The following BRF1 variants were observed in gnomAD, a reference collection of about 807,000 sequenced individuals.
BRF1 encodes the protein transcription factor IIIB 90 kDa subunit.
BRF1 carries 59 observed loss-of-function variants against 81.7 expected under a neutral mutation model. That is an observed-to-expected ratio of 0.72 (90% CI 0.59 to 0.90). BRF1 has a LOEUF of 0.90. Ranked by LOEUF, BRF1 falls within the 40% of genes least tolerant of loss-of-function variation. BRF1 has a pLI of 0.00. For missense variants in BRF1, 1,050 were observed against 936.3 expected (o/e 1.12, Z -1.58); for synonymous variants, 491 against 395.6 (o/e 1.24, Z -2.86).
chr14:105,226,069 C>G lies in BRF1; in HGVS notation c.1048G>C (p.Gly350Arg). Residue 350 changes from glycine (G) to arginine (R), a missense_variant and splice_region_variant, in exon 10 of 18, where the codon GGC becomes CGC. Around this residue, in one of 2 missense-constraint regions of BRF1, gnomAD observed 1,043 missense variants for 915.4 expected, o/e 1.14. Coordinates refer to ENST00000547530, the MANE Select transcript of BRF1 (RefSeq NM_001519.4). ...KGGLASLAKD[G>R]STEDTASSLC... ...TAGGGGCCGGGCACAGTGGACTCAC[C>G]ATCTTTTGCCAGGCTGGCCAGGCCC... 6.2e-7 allele frequency: 1 copy of G among 1,613,458 alleles called. No individual in the cohort carries two copies.
At chr14:105,248,603 C>CGGCCGGGCCT (rs1048482817) in intron 5 of BRF1, 4 of 966,710 alleles carry the variant, frequency 4.1e-6, no homozygotes, top group African/African-American at 1.8e-5. Context: ...GCGCCCCCCG[C>CGGCCGGGCCT]GGCCGGGCCT....
In BRF1 at chr14:105,241,330, AG is replaced by A; in HGVS notation, c.628del (p.Leu210SerfsTer5). The A allele has an allele frequency of 6.2e-7, 1 of 1,612,754 alleles. No homozygotes were observed. The highest frequency in any genetic ancestry group is 8.5e-7 in the Non-Finnish European group (1 of 1,179,930). On this transcript the variant is annotated frameshift_variant, in exon 6 of 18. Coordinates refer to ENST00000547530, the MANE Select transcript of BRF1 (RefSeq NM_001519.4). LOFTEE classifies it high-confidence loss of function. ...NHEVSMTALRLLQRMKRDWMH... is the reference protein window; with the variant it reads ...NHEVSMTALRXLQRMKRDWMH... Reference sequence around the variant, plus strand: ...CCAGTCCCGCTTCATCCTCTGTAGGAGCCTCAGGGCAGTCATGGACACCTCG... The same window carrying A: ...CCAGTCCCGCTTCATCCTCTGTAGGACCTCAGGGCAGTCATGGACACCTCG...
At chr14:105,290,954 A>G (rs1277097827) in intron 1 of BRF1, among the ~76,000 whole-genome samples, 2 of 152,166 alleles carry the variant, frequency 1.3e-5, no homozygotes, top group East Asian at 3.9e-4. Flanking sequence ...GAAACCTCAG[A>G]ACACTAACCC....
At chr14:105,281,453 T>C (rs2057098539) in intron 2 of BRF1, among the ~76,000 whole-genome samples, 1 of 146,592 alleles carries the variant, frequency 6.8e-6, no homozygotes, top group Non-Finnish European at 1.5e-5. Flanking sequence ...AGCCCGGGTG[T>C]GTGGATACAG....
In BRF1 at chr14:105,300,636, G is replaced by T; in HGVS notation, c.-7C>A. On this transcript the variant is annotated 5_prime_UTR_variant, in exon 1 of 18. Coordinates refer to ENST00000547530, the MANE Select transcript of BRF1 (RefSeq NM_001519.4). ...GGCACACGCGGCCCGTCATGCCGGC[G>T]ACCGCGCGGGCAGCGCCCGGAGCCT... 2.9e-6 allele frequency: 4 copies of T among 1,358,702 alleles called. No homozygotes were observed. Among genetic ancestry groups the T allele is most frequent in the Non-Finnish European group, 3.8e-6 (4 of 1,066,424 alleles). The allele number at this position is 1,358,702 out of a possible 1,614,324, so 84.2% of individuals were successfully genotyped here.
chr14:105,216,320 A>G (rs1595254824), intron 15 of BRF1, among the ~76,000 whole-genome samples: 1 of 152,194 alleles, frequency 6.6e-6, no homozygotes, highest in South Asian at 2.1e-4. Context: ...AGGCAGGCAG[A>G]GGACACGGAG....
upstream of BRF1, among the ~76,000 whole-genome samples, chr14:105,301,585 C>T (rs1280137916): frequency 6.6e-6 from 1 of 152,204 alleles, no homozygotes; most frequent in Non-Finnish European, 1.5e-5. Context: ...CCCTGCCCCG[C>T]CCTCCGCATT....
rs1185250674 is a variant in BRF1, at chr14:105,271,429, C to T, written c.439+1292G>A. Among the ~76,000 whole-genome samples, 3 of 152,210 alleles carry T rather than the reference C, an allele frequency of 2.0e-5. No homozygotes were observed. The highest frequency in any genetic ancestry group is 2.9e-5 in the Non-Finnish European group (2 of 68,040). ...GCTGGAGGCAAGGCGACGGCAGGGGCGCAGGCTGGGAGGCAGACATGTGGC... is the reference window on the plus strand; with the variant it reads ...GCTGGAGGCAAGGCGACGGCAGGGGTGCAGGCTGGGAGGCAGACATGTGGC... On this transcript the variant is annotated intron_variant, in intron 3 of 17. Transcript: ENST00000547530. This position sits in a 1 kb window ranked among gnomAD's most constrained non-coding sequence, Gnocchi z 5.5.
chr14:105,290,615 C>T (rs2057474096), intron 1 of BRF1, among the ~76,000 whole-genome samples: 1 of 152,132 alleles, frequency 6.6e-6, no homozygotes, highest in Admixed American at 6.6e-5. Flanking sequence ...TACGCAATCT[C>T]TTCACTCCTT....
At chr14:105,300,420 G>A in intron 1 of BRF1, 26 bp downstream of exon 1, 13 of 1,504,552 alleles carry the variant, frequency 8.6e-6, no homozygotes, top group East Asian at 2.6e-5. Flanking sequence ...CGAGAAATCC[G>A]CGCAGCGCCA....
chr14:105,216,629 C>G (rs1370288101), intron 15 of BRF1, among the ~76,000 whole-genome samples: 2 of 152,210 alleles, frequency 1.3e-5, no homozygotes, highest in Non-Finnish European at 2.9e-5. Flanking sequence ...AGCCAACTCT[C>G]GCGGGGTGCA....
chr14:105,278,612 T>TA (rs1472884543), intron 2 of BRF1, among the ~76,000 whole-genome samples: 2 of 151,836 alleles, frequency 1.3e-5, no homozygotes, highest in Non-Finnish European at 2.9e-5. Flanking sequence ...TCATTATAAT[T>TA]AAGAAATTTC....
intron 2 of BRF1, among the ~76,000 whole-genome samples, chr14:105,283,258 A>G (rs1220758231): frequency 6.6e-6 from 1 of 152,210 alleles, no homozygotes; most frequent in East Asian, 1.9e-4. Context: ...GGCCTCCCTC[A>G]GCCCCACACC....
intron 5 of BRF1, chr14:105,246,843 A>G (rs1231954894): frequency 6.2e-5 from 61 of 985,392 alleles, no homozygotes; most frequent in Non-Finnish European, 7.2e-5. Context: ...CCACACCACC[A>G]TGCAGATCAA....
chr14:105,303,818 C>G (rs994929910), upstream of BRF1, among the ~76,000 whole-genome samples: 1 of 152,208 alleles, frequency 6.6e-6, no homozygotes, highest in Non-Finnish European at 1.5e-5. Context: ...GCAAAATGCT[C>G]TCTGTCCATG....
At chr14:105,245,356 A>C (rs1056057314) in intron 5 of BRF1, among the ~76,000 whole-genome samples, 2 of 151,910 alleles carry the variant, frequency 1.3e-5, no homozygotes, top group East Asian at 1.9e-4. Flanking sequence ...GCAAGACTCC[A>C]TCTCAAAAAA....
intron 14 of BRF1, 31 bp downstream of exon 14, chr14:105,218,967 G>A: frequency 6.2e-7 from 1 of 1,613,626 alleles, no homozygotes. Context: ...ACACCCCCAA[G>A]AAGGCCAGGC....
chr14:105,256,093 C>T, intron 4 of BRF1: 1 of 1,143,748 alleles, frequency 8.7e-7, no homozygotes, highest in Non-Finnish European at 1.1e-6. Context: ...CCACTGCACT[C>T]CAGCCTGGGT....
chr14:105,278,653 C>A (rs1357259710), intron 2 of BRF1, among the ~76,000 whole-genome samples: 3 of 152,042 alleles, frequency 2.0e-5, no homozygotes, highest in Non-Finnish European at 4.4e-5. Context: ...CACCTGTCAT[C>A]CCAGCACTTT....
Sources: gnomAD v4.1 joint callset for allele counts (sites outside exome capture counted in the v4.1 genomes callset) on GRCh38, gnomAD v4.1.1 for gene constraint, gnomAD v4.1.1 regional missense constraint, Gnocchi (gnomAD v3.1) non-coding constraint, MANE v1.5 for transcripts, NCBI Gene and HGNC (gene_info 2026-07-23, HGNC 2026-07-21) for gene names.